PRPF40B: variants seen among roughly 807,000 people sequenced by gnomAD.
The protein encoded by PRPF40B is pre-mRNA-processing factor 40 homolog B.
In PRPF40B, 56 loss-of-function variants were observed where a neutral mutation model predicts 124.5. That is an observed-to-expected ratio of 0.45 (90% CI 0.36 to 0.56). The LOEUF (loss-of-function observed/expected upper bound fraction) is 0.56. Among genes scored for constraint, PRPF40B ranks in the 20% least tolerant of loss-of-function variants. The pLI is 0.00. For synonymous variants in PRPF40B, 443 were observed against 426.4 expected (o/e 1.04, Z -0.48); for missense variants, 1,053 against 1,169.5 (o/e 0.90, Z 1.45).
At chr12:49,630,714 G>A (rs916703747) in intron 2 of PRPF40B, 89 bp downstream of exon 2, 8 of 655,072 alleles carry the variant, frequency 1.2e-5, no homozygotes, top group Non-Finnish European at 2.2e-5. Context: ...CACCAGCACA[G>A]TTTTCCTGTA....
chr12:49,635,073 C>T lies in PRPF40B; in HGVS notation c.1002-26C>T. 6.3e-7 allele frequency: 1 copy of T among 1,598,776 alleles called. No homozygotes were observed. The highest frequency in any genetic ancestry group is 8.5e-7 in the Non-Finnish European group (1 of 1,173,438). On this transcript the variant is annotated intron_variant, in intron 12 of 25. Coordinates refer to ENST00000548825, the MANE Select transcript of PRPF40B (RefSeq NM_001031698.3). The surrounding 1 kb of genome is among the most constrained non-coding windows in gnomAD (Gnocchi z 4.1). ...GTGGTTCGGGTGACTTCTCTATCCC[C>T]ACCCCACTCCTACCCTCTATCCCAG...
At chr12:49,626,120 G>A (rs1328002203) in intron 1 of PRPF40B, among the ~76,000 whole-genome samples, 1 of 152,192 alleles carries the variant, frequency 6.6e-6, no homozygotes, top group Non-Finnish European at 1.5e-5. Flanking sequence ...CTTCTGCCAA[G>A]CTACCTCTCT....
chr12:49,632,021 C>A, intron 4 of PRPF40B, 96 bp downstream of exon 4: 2 of 1,232,962 alleles, frequency 1.6e-6, no homozygotes, highest in African/African-American at 1.5e-5. Flanking sequence ...TTTCCCTCTT[C>A]TCATCGCATC....
At chr12:49,641,687 C>G (rs1565848400) in intron 18 of PRPF40B, 1 of 544,012 alleles carries the variant, frequency 1.8e-6, no homozygotes, top group Admixed American at 3.3e-5. Flanking sequence ...CATCTCCCAA[C>G]CCCTTCAGCT....
At chr12:49,636,466 G>A (rs573346428) in intron 15 of PRPF40B, 9 of 507,884 alleles carry the variant, frequency 1.8e-5, no homozygotes, top group African/African-American at 1.3e-4. Flanking sequence ...CCGGTTTCAT[G>A]TTATGGCTTC....
Position 49,643,206 on chromosome 12 carries a change from T to C in PRPF40B, c.2206-17T>C. On this transcript the variant is annotated splice_polypyrimidine_tract_variant and intron_variant, in intron 22 of 25. Transcript: ENST00000548825. ...CAGAGAACCTCTGCACTGACATGTATCTGCTGATCTGCCCAGGGCTCTGAG... is the reference window on the plus strand; with the variant it reads ...CAGAGAACCTCTGCACTGACATGTACCTGCTGATCTGCCCAGGGCTCTGAG... 1.2e-6 allele frequency: 2 copies of C among 1,613,714 alleles called. No individual in the cohort carries two copies. The highest frequency in any genetic ancestry group is 1.7e-6 in the Non-Finnish European group (2 of 1,179,884).
In PRPF40B at chr12:49,636,828, C is replaced by T; in HGVS notation, c.1539C>T (p.Arg513=). The T allele has an allele frequency of 6.2e-7, 1 of 1,614,094 alleles. No individual in the cohort carries two copies. Among genetic ancestry groups the T allele is most frequent in the Admixed American group, 1.7e-5 (1 of 60,028 alleles). The part of the protein sequence containing the change: ...RARLRERRQQ[R]KNREAFQTFL... ...GGCTTCGGGAGCGACGCCAACAACG[C>T]AAGAATCGGGAGGCCTTCCAGGTAT... Residue 513 remains arginine, a synonymous_variant, in exon 16 of 26, where the codon CGC becomes CGT. Transcript: ENST00000548825.
intron 15 of PRPF40B, 78 bp downstream of exon 15, chr12:49,636,071 C>G: frequency 4.5e-6 from 7 of 1,567,212 alleles, no homozygotes; most frequent in Non-Finnish European, 6.1e-6. Context: ...TGCCTCACCC[C>G]ACTCCCCTGT....
chr12:49,638,389 T>A (rs1942140217), intron 18 of PRPF40B: 2 of 152,566 alleles, frequency 1.3e-5, no homozygotes, highest in South Asian at 4.1e-4. Flanking sequence ...CAAGGCATTC[T>A]GCAGACTCAA....
intron 11 of PRPF40B, 32 bp from the exon 12 acceptor site, chr12:49,634,506 A>G: frequency 6.2e-7 from 1 of 1,614,202 alleles, no homozygotes. Context: ...GGAGCGGGGC[A>G]GGCCCCATGA....
At position 49,642,791 on chromosome 12, in the gene PRPF40B, A is replaced by AGGGGAGGCCT. The variant is rs1397509935; in HGVS notation, c.2118+118_2118+127dup. ...TAGGGCACTCCTGGCCAGCTAAGGA[A>AGGGGAGGCCT]GGGGAGGCCTGAGGATCCCTGGGAT... On this transcript the variant is annotated intron_variant, in intron 21 of 25. Coordinates refer to ENST00000548825, the MANE Select transcript of PRPF40B (RefSeq NM_001031698.3). This position sits in a 1 kb window ranked among gnomAD's most constrained non-coding sequence, Gnocchi z 5.8. The AGGGGAGGCCT allele has an allele frequency of 5.5e-5, 79 of 1,427,328 alleles. 1 individual carries two copies. The East Asian group carries it at 2.0e-3, about 35-fold the overall frequency. 88.4% of individuals were successfully genotyped at this position (1,427,328 alleles called of 1,614,324 possible).
At position 49,631,901 on chromosome 12, in the gene PRPF40B, GCCAGCGGTGCCTGTCACC is replaced by G; in HGVS notation, c.271_288del (p.Pro91_Thr96del). ...CTCCGATGATGCCAGGAATGCTGATGCCAGCGGTGCCTGTCACCGCAGCGGTAAGCACTAGGGGCCAGC... is the reference window on the plus strand; with the variant it reads ...CTCCGATGATGCCAGGAATGCTGATGGCAGCGGTAAGCACTAGGGGCCAGC... On this transcript the variant is annotated inframe_deletion, in exon 4 of 26. Transcript: ENST00000548825. This position sits in a 1 kb window ranked among gnomAD's most constrained non-coding sequence, Gnocchi z 4.3. 6.2e-7 allele frequency: 1 copy of G among 1,614,186 alleles called. No homozygotes were observed. Among genetic ancestry groups the G allele is most frequent in the South Asian group, 1.1e-5 (1 of 91,086 alleles).
chr12:49,627,667 A>C (rs1342752383), intron 1 of PRPF40B, among the ~76,000 whole-genome samples: 1 of 152,096 alleles, frequency 6.6e-6, no homozygotes, highest in African/African-American at 2.4e-5. Context: ...TTACCCTAAG[A>C]GCAGTGGGAA....
intron 18 of PRPF40B, 180 bp from the exon 19 acceptor site, chr12:49,641,728 G>A (rs1340491187): frequency 3.4e-6 from 2 of 594,514 alleles, no homozygotes; most frequent in African/African-American, 3.7e-5. Flanking sequence ...GGGTAGGCAT[G>A]GGGGCTTAAT....
intron 12 of PRPF40B, 149 bp from the exon 13 acceptor site, chr12:49,634,950 T>C: frequency 1.2e-6 from 1 of 827,892 alleles, no homozygotes; most frequent in Non-Finnish European, 1.8e-6. Context: ...CTGTCACCCC[T>C]ACTTCTCCAT....
In PRPF40B at chr12:49,633,883, C is replaced by T. The variant is rs759027369; in HGVS notation, c.606-3C>T. On this transcript the variant is annotated splice_polypyrimidine_tract_variant and splice_region_variant and intron_variant, in intron 9 of 25. Coordinates refer to ENST00000548825, the MANE Select transcript of PRPF40B (RefSeq NM_001031698.3). Reference sequence around the variant, plus strand: ...GGACACCGCCCTTCTGGCTCATCTGCAGGAAACAGCAGCAGCAGCTGCCAC... The same window carrying T: ...GGACACCGCCCTTCTGGCTCATCTGTAGGAAACAGCAGCAGCAGCTGCCAC... 11 of 1,614,022 alleles carry T rather than the reference C, an allele frequency of 6.8e-6. No homozygotes were observed. Among genetic ancestry groups the T allele is most frequent in the African/African-American group, 1.3e-5 (1 of 75,072 alleles).
upstream of PRPF40B, among the ~76,000 whole-genome samples, chr12:49,623,234 C>T (rs1940356159): frequency 6.6e-6 from 1 of 151,904 alleles, no homozygotes; most frequent in Non-Finnish European, 1.5e-5. Flanking sequence ...GTGAACGCTT[C>T]GGCTCCTGGA....
At chr12:49,634,680 A>G in intron 12 of PRPF40B, 78 bp downstream of exon 12, 1 of 1,565,290 alleles carries the variant, frequency 6.4e-7, no homozygotes, top group Non-Finnish European at 8.8e-7. Flanking sequence ...CCCCAGCTCA[A>G]CACTCAGCCC....
In PRPF40B at chr12:49,643,912, G is replaced by A. The variant is rs778813456; in HGVS notation, c.2494G>A (p.Asp832Asn). Residue 832 changes from aspartate (D) to asparagine (N), a missense_variant, in exon 25 of 26, where the codon GAT (aspartate) becomes AAT (asparagine). By Grantham distance (23) the Asp-to-Asn change is conservative (BLOSUM62 1). Transcript: ENST00000548825. Reference sequence around the variant, plus strand: ...TGAGGAGAAAGCTGGCAAGGAGAGCGATGAGAAAGAACAAGAACAGGACAA... The same window carrying A: ...TGAGGAGAAAGCTGGCAAGGAGAGCAATGAGAAAGAACAAGAACAGGACAA... ...DPEEKAGKES[D>N]EKEQEQDKDR... The A allele has an allele frequency of 9.9e-6, 16 of 1,614,078 alleles. No individual in the cohort carries two copies. In the East Asian group the frequency reaches 1.3e-4, roughly 13 times the overall value.
Sources: allele counts gnomAD v4.1 joint callset (sites outside exome capture counted in the v4.1 genomes callset), GRCh38; gene constraint gnomAD v4.1.1; non-coding constraint Gnocchi (gnomAD v3.1); transcripts MANE v1.5; gene names NCBI Gene and HGNC (gene_info 2026-07-23, HGNC 2026-07-21).